The following RASGEF1B variants were observed in gnomAD, a reference collection of about 807,000 sequenced individuals.
The protein encoded by RASGEF1B is ras-GEF domain-containing family member 1B.
Under a neutral mutation model 65.7 loss-of-function variants are expected in RASGEF1B, and 30 were observed. The ratio of observed to expected loss-of-function variants is 0.46; its 90% CI spans 0.34 to 0.62. The LOEUF (loss-of-function observed/expected upper bound fraction) is 0.62. RASGEF1B is among the 20% of genes least tolerant of loss of function. The probability of loss-of-function intolerance (pLI) is 0.01; values close to 1 mark genes in which losing one functional copy is unlikely to be tolerated. For synonymous variants in RASGEF1B, 175 were observed against 194.8 expected (o/e 0.90, Z 0.85); for missense variants, 495 against 580.1 (o/e 0.85, Z 1.51).
intron 1 of RASGEF1B, chr4:81,471,003 C>T (rs1431129192): frequency 1.3e-5 from 2 of 152,174 alleles, no homozygotes; most frequent in East Asian, 1.9e-4. Flanking sequence ...GCTGACTGCC[C>T]GCGAGGCTCC....
chr4:81,471,558 G>A (rs77061300), intron 1 of RASGEF1B, among the ~76,000 whole-genome samples: 4,303 of 152,260 alleles, frequency 0.028, 183 homozygotes, highest in African/African-American at 0.098. Flanking sequence ...GCTGTAACTC[G>A]GCTCTTGGCG....
intron 6 of RASGEF1B, among the ~76,000 whole-genome samples, chr4:81,446,172 C>T (rs544256857): frequency 6.6e-5 from 10 of 152,280 alleles, no homozygotes; most frequent in Admixed American, 1.3e-4. Context: ...GTCAGGAGTT[C>T]GAGATCAGCC....
At chr4:81,430,981 A>T (rs1340258292) in intron 13 of RASGEF1B, among the ~76,000 whole-genome samples, 1 of 152,164 alleles carries the variant, frequency 6.6e-6, no homozygotes, top group Non-Finnish European at 1.5e-5. Context: ...AGCTATACCC[A>T]GAGACCCCAC....
chr4:81,460,535 T>C (rs1177381812), intron 1 of RASGEF1B, among the ~76,000 whole-genome samples: 1 of 152,172 alleles, frequency 6.6e-6, no homozygotes, highest in Non-Finnish European at 1.5e-5. Flanking sequence ...TAATCTTTCT[T>C]TTTAAGATGC....
chr4:81,469,821 A>G (rs1560715259), intron 1 of RASGEF1B, among the ~76,000 whole-genome samples: 1 of 152,198 alleles, frequency 6.6e-6, no homozygotes, highest in Non-Finnish European at 1.5e-5. Flanking sequence ...AGTGGAGCAC[A>G]TAAAATGAAG....
At chr4:81,454,210 G>A (rs940856288) in intron 4 of RASGEF1B, 4 of 152,112 alleles carry the variant, frequency 2.6e-5, no homozygotes, top group Non-Finnish European at 4.4e-5. Flanking sequence ...TAAACAAAAA[G>A]ACCAATTCTC....
rs577964032 is a variant in RASGEF1B at position 81,464,492 on chromosome 4, T to G, written c.-6-4978A>C. ...GAGAGCAGGTTAATCTCAAAAGCTA[T>G]TCTCACCTTACGAAGTTGCATTTGT... On this transcript the variant is annotated intron_variant, in intron 1 of 13. Coordinates refer to ENST00000264400, the MANE Select transcript of RASGEF1B (RefSeq NM_152545.3). Among the ~76,000 whole-genome samples, 347 of 152,326 alleles carry G rather than the reference T, an allele frequency of 2.3e-3. 1 individual carries two copies. The highest frequency in any genetic ancestry group is 8.2e-3 in the African/African-American group (339 of 41,568).
intron 9 of RASGEF1B, among the ~76,000 whole-genome samples, chr4:81,441,419 T>G (rs940628417): frequency 6.6e-6 from 1 of 152,140 alleles, no homozygotes; most frequent in Non-Finnish European, 1.5e-5. Context: ...AATTTCCAAT[T>G]TGGGAGAAAA....
Position 81,433,874 on chromosome 4 carries a change from C to T in RASGEF1B, c.1290G>A (p.Gln430=). 6.2e-7 allele frequency: 1 copy of T among 1,614,052 alleles called. No homozygotes were observed. The highest frequency in any genetic ancestry group is 8.5e-7 in the Non-Finnish European group (1 of 1,179,946). Residue 430 remains glutamine (Q), a synonymous_variant, in exon 12 of 14, where the codon CAG becomes CAA. Coordinates refer to ENST00000264400, the MANE Select transcript of RASGEF1B (RefSeq NM_152545.3). ...CPFERDRKIL[Q]YLLTVPVFSE... Reference sequence around the variant, plus strand: ...TGAAGACTGGTACTGTGAGCAGATACTGCAAGATCTTCCGGTCCCTCTCAA... The same window carrying T: ...TGAAGACTGGTACTGTGAGCAGATATTGCAAGATCTTCCGGTCCCTCTCAA...
intron 1 of RASGEF1B, among the ~76,000 whole-genome samples, chr4:81,466,094 C>T (rs1441110042): frequency 2.0e-5 from 3 of 152,066 alleles, no homozygotes; most frequent in Non-Finnish European, 4.4e-5. Flanking sequence ...TGAAGGCCTC[C>T]GTATCACAGC....
chr4:81,435,764 C>T (rs1396074798), intron 10 of RASGEF1B, among the ~76,000 whole-genome samples: 33 of 144,304 alleles, frequency 2.3e-4, no homozygotes, highest in Middle Eastern at 7.1e-3. Context: ...CGTGAGCCAA[C>T]GCGCCTGGCC....
intron 3 of RASGEF1B, among the ~76,000 whole-genome samples, 153 bp downstream of exon 3, chr4:81,457,346 C>T (rs578139312): frequency 6.6e-6 from 1 of 152,290 alleles, no homozygotes; most frequent in South Asian, 2.1e-4. Context: ...GTTCTTTATT[C>T]TTTATACCAT....
At position 81,432,740 on chromosome 4, in the gene RASGEF1B, C is replaced by CT. The variant is rs1031448742; in HGVS notation, c.1325-370dup. 1.0e-3 allele frequency among the ~76,000 whole-genome samples: 156 copies of CT among 151,558 alleles called. 1 individual carries two copies. The highest frequency in any genetic ancestry group is 3.4e-3 in the African/African-American group (142 of 41,386). On this transcript the variant is annotated intron_variant, in intron 12 of 13. Coordinates refer to ENST00000264400, the MANE Select transcript of RASGEF1B (RefSeq NM_152545.3). ...AGTCTGAGTTGTTTTTTCCTTTTTT[C>CT]TTTTTTTTAAAACTCTTTACTAGGT...
At position 81,426,624 on chromosome 4, in the gene RASGEF1B, C is replaced by T. The variant is rs185040385; in HGVS notation, c.*1144G>A. ...ATAAATATAATGGCTGTTTGCAGAG[C>T]GACTACAGACTTACTTAGATGTTTA... On this transcript the variant is annotated 3_prime_UTR_variant, in exon 14 of 14. Coordinates refer to ENST00000264400, the MANE Select transcript of RASGEF1B (RefSeq NM_152545.3). The T allele has an allele frequency of 3.4e-4, 52 of 152,236 alleles. No individual in the cohort carries two copies. The highest frequency in any genetic ancestry group is 3.1e-3 in the Admixed American group (48 of 15,290). The allele number at this position is 152,236 out of a possible 1,614,324, so 9.4% of individuals were successfully genotyped here.
chr4:81,462,511 T>C (rs1722682670), intron 1 of RASGEF1B, among the ~76,000 whole-genome samples: 1 of 152,232 alleles, frequency 6.6e-6, no homozygotes, highest in Non-Finnish European at 1.5e-5. Flanking sequence ...GCTAATTAGC[T>C]GATTTCATTT....
intron 1 of RASGEF1B, among the ~76,000 whole-genome samples, chr4:81,464,859 C>A (rs535216448): frequency 1.5e-3 from 227 of 151,746 alleles, no homozygotes; most frequent in African/African-American, 5.2e-3. Context: ...CTGAGGCGGG[C>A]GGATTACTTG....
chr4:81,468,331 T>C (rs1367686942), intron 1 of RASGEF1B, among the ~76,000 whole-genome samples: 1 of 152,222 alleles, frequency 6.6e-6, no homozygotes, highest in Non-Finnish European at 1.5e-5. Context: ...AAAAACTATA[T>C]TCATCCCTTC....
chr4:81,431,237 A>T (rs1721418189), intron 13 of RASGEF1B, among the ~76,000 whole-genome samples: 1 of 148,032 alleles, frequency 6.8e-6, no homozygotes, highest in Non-Finnish European at 1.5e-5. Context: ...ACAAAATTAT[A>T]TATATTTTAT....
At chr4:81,438,023 A>T (rs142111069) in intron 10 of RASGEF1B, among the ~76,000 whole-genome samples, 3 of 152,344 alleles carry the variant, frequency 2.0e-5, no homozygotes, top group Non-Finnish European at 4.4e-5. Context: ...CTTTCAAAAT[A>T]TTCTTAATTC....
Sources: allele counts gnomAD v4.1 joint callset (sites outside exome capture counted in the v4.1 genomes callset), GRCh38; gene constraint gnomAD v4.1.1; transcripts MANE v1.5; gene names NCBI Gene and HGNC (gene_info 2026-07-23, HGNC 2026-07-21).